Variants in NINJ1 observed in about 807,000 individuals in gnomAD.
NINJ1 encodes the protein ninjurin-1.
Under a neutral mutation model 12.7 loss-of-function variants are expected in NINJ1, and 6 were observed. The observed-to-expected ratio is 0.47, with a 90% confidence interval of 0.26 to 0.93. The LOEUF is 0.93. Ranked by LOEUF, NINJ1 falls within the 40% of genes least tolerant of loss-of-function variation. NINJ1 has a pLI of 0.15. For synonymous variants in NINJ1, 100 were observed against 96.0 expected (o/e 1.04, Z -0.25); for missense variants, 170 against 213.0 (o/e 0.80, Z 1.26).
chr9:93,126,503 C>A lies in NINJ1; in HGVS notation c.211G>T (p.Gly71Cys). ...ASQLKAVVEQ[G>C]PSFAFYVPLV... is the part of the protein sequence containing the mutation. ...GGCACATAGAAGGCGAAGCTGGGGC[C>A]CTGTTCCACGACGGCCTTCAGCTGG... The change falls in exon 2 of 4, where the codon GGC (glycine) becomes TGC (cysteine). Residue 71 changes from glycine (G) to cysteine (C), a missense_variant. Coordinates refer to ENST00000375446, the MANE Select transcript of NINJ1 (RefSeq NM_004148.4). The A allele has an allele frequency of 6.2e-7, 1 of 1,614,136 alleles. No homozygotes were observed. The highest frequency in any genetic ancestry group is 8.5e-7 in the Non-Finnish European group (1 of 1,180,020).
chr9:93,126,242 GGA>G, intron 2 of NINJ1, 166 bp downstream of exon 2: 1 of 576,756 alleles, frequency 1.7e-6, no homozygotes, highest in Non-Finnish European at 3.0e-6. Flanking sequence ...CAGGGTGGGG[GGA>G]GGGGGGGTGC....
intron 3 of NINJ1, among the ~76,000 whole-genome samples, chr9:93,122,521 G>A (rs1028299003): frequency 1.3e-5 from 2 of 149,652 alleles, no homozygotes; most frequent in Admixed American, 6.7e-5. Context: ...GACAAGCCCC[G>A]AGTGTCAGGG....
intron 1 of NINJ1, 102 bp from the exon 2 acceptor site, chr9:93,126,740 C>T (rs1381663232): frequency 2.5e-6 from 2 of 814,868 alleles, no homozygotes; most frequent in East Asian, 2.6e-5. Context: ...GTGAGGGCTT[C>T]CCTTGCCCCC....
intron 1 of NINJ1, among the ~76,000 whole-genome samples, chr9:93,132,936 C>A (rs1350372461): frequency 6.6e-6 from 1 of 152,202 alleles, no homozygotes; most frequent in Non-Finnish European, 1.5e-5. Context: ...GACTTGCTTT[C>A]CCCACTTCCC....
chr9:93,129,561 C>T (rs1827860861), intron 1 of NINJ1, among the ~76,000 whole-genome samples: 2 of 152,192 alleles, frequency 1.3e-5, no homozygotes, highest in Admixed American at 1.3e-4. Context: ...AGCCCGTGGC[C>T]CTGACGCAAG....
chr9:93,128,250 G>A (rs1414693604), intron 1 of NINJ1, among the ~76,000 whole-genome samples: 3 of 152,226 alleles, frequency 2.0e-5, no homozygotes, highest in Non-Finnish European at 2.9e-5. Flanking sequence ...TCTATGGGGT[G>A]TCTACTTTGC....
chr9:93,133,146 C>T lies in NINJ1; in HGVS notation c.75+997G>A, dbSNP rs954345916. On this transcript the variant is annotated intron_variant, in intron 1 of 3. Transcript: ENST00000375446. ...CTGCAGTGCGACAGCTCCTCTCTAA[C>T]CTAGGAACAAGTGTCCATGCAGCCC... 6.6e-5 allele frequency among the ~76,000 whole-genome samples: 10 copies of T among 152,164 alleles called. No homozygotes were observed. In the East Asian group the frequency reaches 1.9e-3, roughly 29 times the overall value.
chr9:93,128,005 A>C (rs186536581), intron 1 of NINJ1, among the ~76,000 whole-genome samples: 1 of 152,316 alleles, frequency 6.6e-6, no homozygotes, highest in Non-Finnish European at 1.5e-5. Context: ...TTTCATCTAA[A>C]ATTATGTGCC....
intron 1 of NINJ1, among the ~76,000 whole-genome samples, chr9:93,127,879 G>A (rs1051089280): frequency 1.3e-5 from 2 of 152,266 alleles, no homozygotes; most frequent in South Asian, 2.1e-4. Context: ...ACAGGGAGGG[G>A]CGGACATGGT....
Position 93,122,587 on chromosome 9 carries a change from G to A in NINJ1, c.*10-357C>T, listed in dbSNP as rs144330072. ...AGAGCCTGATTCTGACATGAGAGGT[G>A]TCAAAGTACTCCATGCCTCAGTTTC... is the stretch of plus-strand genomic sequence containing the variant. On this transcript the variant is annotated intron_variant, in intron 3 of 3. Transcript: ENST00000375446. Among the ~76,000 whole-genome samples the A allele has an allele frequency of 2.1e-4, 32 of 152,326 alleles. No homozygotes were observed. The East Asian group carries it at 4.8e-3, about 23-fold the overall frequency.
chr9:93,126,319 T>A, intron 2 of NINJ1, 91 bp downstream of exon 2: 6 of 1,111,004 alleles, frequency 5.4e-6, no homozygotes, highest in Non-Finnish European at 7.8e-6. Context: ...GAGAGCCAAG[T>A]GTGCAAGGTG....
chr9:93,133,044 C>A (rs563414719), intron 1 of NINJ1, among the ~76,000 whole-genome samples: 1 of 152,358 alleles, frequency 6.6e-6, no homozygotes, highest in Admixed American at 6.5e-5. Context: ...GCCGGAGGAG[C>A]CCCCTGCCTA....
At chr9:93,128,538 C>T (rs1254548744) in intron 1 of NINJ1, among the ~76,000 whole-genome samples, 1 of 152,256 alleles carries the variant, frequency 6.6e-6, no homozygotes, top group African/African-American at 2.4e-5. Flanking sequence ...TCCAGTTCTG[C>T]TCTTGCGAAG....
At chr9:93,128,613 G>A (rs1827846587) in intron 1 of NINJ1, among the ~76,000 whole-genome samples, 1 of 152,356 alleles carries the variant, frequency 6.6e-6, no homozygotes, top group Non-Finnish European at 1.5e-5. Context: ...AGGGGCTGCT[G>A]GCCACAGTGG....
intron 1 of NINJ1, among the ~76,000 whole-genome samples, chr9:93,130,619 G>A (rs1414340866): frequency 2.0e-5 from 3 of 152,214 alleles, no homozygotes; most frequent in African/African-American, 7.2e-5. Flanking sequence ...TGTAAAATGG[G>A]TAGACAAGGA....
rs1275731695 is a variant in NINJ1 at position 93,134,249 on chromosome 9, C to A, written c.-32G>T. On this transcript the variant is annotated 5_prime_UTR_variant, in exon 1 of 4. Coordinates refer to ENST00000375446, the MANE Select transcript of NINJ1 (RefSeq NM_004148.4). Reference sequence around the variant, plus strand: ...GCCGCCCAGGCCGCCAGGATCCGGGCCTGAGCGCGCCCGAGCCTCAGCCGC... The same window carrying A: ...GCCGCCCAGGCCGCCAGGATCCGGGACTGAGCGCGCCCGAGCCTCAGCCGC... 2.2e-6 allele frequency: 3 copies of A among 1,378,132 alleles called. No individual in the cohort carries two copies. The highest frequency in any genetic ancestry group is 1.5e-5 in the African/African-American group (1 of 66,270). The allele number at this position is 1,378,132 out of a possible 1,614,324, so 85.4% of individuals were successfully genotyped here.
chr9:93,127,050 G>A (rs910096667), intron 1 of NINJ1, among the ~76,000 whole-genome samples: 8 of 152,006 alleles, frequency 5.3e-5, no homozygotes, highest in Non-Finnish European at 8.8e-5. Flanking sequence ...ACGTGTGGGC[G>A]GACAGATCTG....
Position 93,126,642 on chromosome 9 carries a change from C to A in NINJ1, c.76-4G>T. On this transcript the variant is annotated splice_region_variant and splice_polypyrimidine_tract_variant and intron_variant, in intron 1 of 3. Coordinates refer to ENST00000375446, the MANE Select transcript of NINJ1 (RefSeq NM_004148.4). ...GCCTCCAGCCCCAGCGGGCCGGCTG[C>A]AGGGAGGGGAATGGTCAGCAAGGCG... is the stretch of plus-strand genomic sequence containing the variant. The A allele has an allele frequency of 6.3e-7, 1 of 1,582,612 alleles. No individual in the cohort carries two copies. The highest frequency in any genetic ancestry group is 8.6e-7 in the Non-Finnish European group (1 of 1,160,866).
At chr9:93,130,926 C>G (rs1410768934) in intron 1 of NINJ1, among the ~76,000 whole-genome samples, 1 of 152,234 alleles carries the variant, frequency 6.6e-6, no homozygotes, top group Non-Finnish European at 1.5e-5. Context: ...CTTGGCTGCT[C>G]GCAGCCTGTC....
Sources: gnomAD v4.1 joint callset for allele counts (sites outside exome capture counted in the v4.1 genomes callset) on GRCh38, gnomAD v4.1.1 for gene constraint, MANE v1.5 for transcripts, NCBI Gene and HGNC (gene_info 2026-07-23, HGNC 2026-07-21) for gene names.